LRP2: variants seen among roughly 807,000 people sequenced by gnomAD.
LRP2 encodes the protein LDL receptor related protein 2, also known as low-density lipoprotein receptor-related protein 2.
LRP2 carries 172 observed loss-of-function variants against 531.0 expected under a neutral mutation model. The observed-to-expected ratio is 0.32, with a 90% CI of 0.29 to 0.37. The LOEUF is 0.37. Among genes scored for constraint, LRP2 ranks in the 10% least tolerant of loss-of-function variants. The pLI is 1.00. For synonymous variants in LRP2, 1,992 were observed against 2,027.6 expected (o/e 0.98, Z 0.47); for missense variants, 5,167 against 5,868.3 (o/e 0.88, Z 3.90).
intron 33 of LRP2, among the ~76,000 whole-genome samples, chr2:169,222,804 T>G (rs1689066045): frequency 6.6e-6 from 1 of 152,208 alleles, no homozygotes. Flanking sequence ...CTCAGGCCAC[T>G]GCAGGTAACT....
intron 1 of LRP2, among the ~76,000 whole-genome samples, chr2:169,322,398 C>T (rs1024819311): frequency 3.3e-5 from 5 of 152,100 alleles, no homozygotes; most frequent in South Asian, 4.1e-4. Flanking sequence ...ATGGTGGTAC[C>T]GAGTGGTACA....
At position 169,237,178 on chromosome 2, in the gene LRP2, T is replaced by C. The variant is rs1170275395; in HGVS notation, c.4616A>G (p.Asp1539Gly). Residue 1539 changes from aspartate (D) to glycine (G), a missense_variant, in exon 28 of 79, where the codon GAT (aspartate) becomes GGT (glycine). Asp to Gly is a moderately conservative substitution (Grantham distance 94). Around this residue, in one of 6 missense-constraint regions of LRP2, gnomAD observed 2,811 missense variants for 3,058.0 expected, o/e 0.92. Transcript: ENST00000649046. Reference protein sequence around the residue: ...ALETIEVSKIDGSHRTVLISK... With the variant: ...ALETIEVSKIGGSHRTVLISK... ...AATCAGCACAGTCCTGTGGCTCCCA[T>C]CAATTTTGGAGACTTCAATTGTTTC... The C allele has an allele frequency of 1.2e-6, 2 of 1,613,982 alleles. No homozygotes were observed. The highest frequency in any genetic ancestry group is 8.5e-7 in the Non-Finnish European group (1 of 1,179,892).
intron 9 of LRP2, among the ~76,000 whole-genome samples, chr2:169,287,366 T>A (rs1683886064): frequency 6.6e-6 from 1 of 152,166 alleles, no homozygotes; most frequent in Non-Finnish European, 1.5e-5. Flanking sequence ...ATATAGTTAC[T>A]TAAGAGGAGC....
intron 29 of LRP2, among the ~76,000 whole-genome samples, chr2:169,234,679 A>G (rs1345129823): frequency 6.6e-6 from 1 of 152,210 alleles, no homozygotes. Flanking sequence ...TTCTGGTTCT[A>G]GATCCCTGAG....
Position 169,206,448 on chromosome 2 carries a change from T to G in LRP2, c.7272A>C (p.Leu2424=). 2 of 1,613,790 alleles carry G rather than the reference T, an allele frequency of 1.2e-6. No individual in the cohort carries two copies. Among genetic ancestry groups the G allele is most frequent in the Non-Finnish European group, 1.7e-6 (2 of 1,179,654 alleles). ...TTCTATCACTTACACTGTCATAGTC[T>G]AGAGACATGACAGTTCTTTCCACAT... ...TINVERTVMS[L]DYDSVSDRIY... Residue 2424 remains leucine (L), a synonymous_variant, in exon 39 of 79, where the codon CTA becomes CTC. Transcript: ENST00000649046.
intron 38 of LRP2, among the ~76,000 whole-genome samples, chr2:169,208,795 C>A (rs971630310): frequency 6.6e-6 from 1 of 152,128 alleles, no homozygotes; most frequent in Non-Finnish European, 1.5e-5. Flanking sequence ...ACTCACCAAG[C>A]TTGATTCAAT....
chr2:169,165,935 G>C lies in LRP2; in HGVS notation c.11755C>G (p.His3919Asp). The change falls in exon 62 of 79, where the codon CAC becomes GAC. Residue 3919 changes from histidine (H) to aspartate (D), a missense_variant. His to Asp is a moderately conservative substitution (Grantham distance 81). Coordinates refer to ENST00000649046, the MANE Select transcript of LRP2 (RefSeq NM_004525.3). ...CGDGTDETEE[H>D]CRKPTPKPCT... ...CTCCCTTTTGACTTTTGCTTACAGT[G>C]CTCCTCTGTCTCATCAGTTCCATCT... 6.2e-7 allele frequency: 1 copy of C among 1,613,916 alleles called. No individual in the cohort carries two copies. Among genetic ancestry groups the C allele is most frequent in the Non-Finnish European group, 8.5e-7 (1 of 1,179,878 alleles).
chr2:169,205,339 G>T, intron 41 of LRP2, 140 bp downstream of exon 41: 1 of 896,842 alleles, frequency 1.1e-6, no homozygotes. Context: ...TATAAACATA[G>T]TTCCTAAAAC....
At chr2:169,139,493 A>G (rs1685643335) in intron 73 of LRP2, 50 bp downstream of exon 73, 1 of 1,611,418 alleles carries the variant, frequency 6.2e-7, no homozygotes, top group Admixed American at 1.7e-5. Flanking sequence ...ACAGCATTCA[A>G]TGTAGGGGCC....
intron 4 of LRP2, among the ~76,000 whole-genome samples, chr2:169,303,223 A>G (rs830969): frequency 0.66 from 99,803 of 152,002 alleles, 33,548 homozygotes; most frequent in East Asian, 0.8. Flanking sequence ...AGGTTTAGAC[A>G]ATAATATGTA....
chr2:169,151,614 C>A (rs1197514271), intron 67 of LRP2, among the ~76,000 whole-genome samples: 2 of 152,154 alleles, frequency 1.3e-5, no homozygotes, highest in Non-Finnish European at 2.9e-5. Context: ...GCAAGACTGT[C>A]CTGCCTTATT....
chr2:169,238,095 C>G lies in LRP2; in HGVS notation c.4502G>C (p.Arg1501Thr), dbSNP rs755760093. 6 of 1,613,668 alleles carry G rather than the reference C, an allele frequency of 3.7e-6. No homozygotes were observed. The highest frequency in any genetic ancestry group is 4.2e-6 in the Non-Finnish European group (5 of 1,179,580). ...WSAFQNGTDR[R>T]VVFDSSIILT... is the part of the protein sequence containing the mutation. ...GGTCAACAGAAATGTACTTACCACTCTTCTGTCCGTTCCATTTTGAAACGC... is the reference window on the plus strand; with the variant it reads ...GGTCAACAGAAATGTACTTACCACTGTTCTGTCCGTTCCATTTTGAAACGC... The change falls in exon 27 of 79, where the codon AGA (arginine) becomes ACA (threonine). Residue 1501 changes from arginine (R) to threonine (T), a missense_variant. Around this residue, in one of 6 missense-constraint regions of LRP2, gnomAD observed 2,811 missense variants for 3,058.0 expected, o/e 0.92. Coordinates refer to ENST00000649046, the MANE Select transcript of LRP2 (RefSeq NM_004525.3).
chr2:169,129,117 G>C, intron 77 of LRP2, 33 bp from the exon 78 acceptor site: 1 of 1,398,806 alleles, frequency 7.1e-7, no homozygotes, highest in Non-Finnish European at 1.0e-6. Context: ...AAACCTCTCA[G>C]TAATGGAATT....
chr2:169,342,653 G>T (rs1223982369), intron 1 of LRP2, among the ~76,000 whole-genome samples: 1 of 152,000 alleles, frequency 6.6e-6, no homozygotes, highest in Non-Finnish European at 1.5e-5. Context: ...TTGGCCCTTG[G>T]TCCTCTCAGG....
At chr2:169,170,930 T>TTG (rs1558993012) in intron 58 of LRP2, among the ~76,000 whole-genome samples, 1 of 146,628 alleles carries the variant, frequency 6.8e-6, no homozygotes, top group African/African-American at 2.5e-5. Context: ...TGTTTTTTTT[T>TTG]TTTTTTTTTT....
rs1164005624 is a variant in LRP2, at chr2:169,225,487, C to T, written c.5395-34G>A. The T allele has an allele frequency of 3.7e-6, 6 of 1,612,974 alleles. No homozygotes were observed. The African/African-American group carries it at 4.0e-5, about 11-fold the overall frequency. On this transcript the variant is annotated intron_variant, in intron 32 of 78. Transcript: ENST00000649046. ...AAAGACAAGGGGAGGTGAGCAGTTC[C>T]AAGGCCATGGCTCCTACAAAAGAAC...
At chr2:169,260,796 G>A (rs1690514826) in intron 16 of LRP2, among the ~76,000 whole-genome samples, 1 of 151,528 alleles carries the variant, frequency 6.6e-6, no homozygotes, top group South Asian at 2.1e-4. Context: ...AGAGAGAGGA[G>A]GACCAATGTT....
At chr2:169,181,711 T>A in intron 51 of LRP2, 93 bp from the exon 52 acceptor site, 1 of 856,538 alleles carries the variant, frequency 1.2e-6, no homozygotes, top group Non-Finnish European at 1.9e-6. Context: ...AAATGGAGTC[T>A]GCATTCTGTA....
intron 22 of LRP2, among the ~76,000 whole-genome samples, chr2:169,244,492 T>C (rs1253056934): frequency 6.6e-6 from 1 of 152,238 alleles, no homozygotes; most frequent in East Asian, 1.9e-4. Flanking sequence ...TCAATATTTG[T>C]AGGTGGACTC....
Sources: allele counts gnomAD v4.1 joint callset (sites outside exome capture counted in the v4.1 genomes callset), GRCh38; gene constraint gnomAD v4.1.1; regional missense constraint gnomAD v4.1.1; transcripts MANE v1.5; gene names NCBI Gene and HGNC (gene_info 2026-07-23, HGNC 2026-07-21).